CFAP44: variants seen among roughly 807,000 people sequenced by gnomAD.
CFAP44 encodes the protein cilia and flagella associated protein 44, also known as cilia- and flagella-associated protein 44.
Under a neutral mutation model 216.2 loss-of-function variants are expected in CFAP44, and 134 were observed. The ratio of observed to expected loss-of-function variants is 0.62; its 90% CI spans 0.54 to 0.72. The LOEUF (loss-of-function observed/expected upper bound fraction) is 0.72. Ranked by LOEUF, CFAP44 falls within the 30% of genes least tolerant of loss-of-function variation. The probability of loss-of-function intolerance (pLI) is 0.00; values close to 1 mark genes in which losing one functional copy is unlikely to be tolerated. For missense variants in CFAP44, 2,035 were observed against 2,182.1 expected, an observed-to-expected ratio of 0.93 and a Z score of 1.34; for synonymous variants, 700 against 727.6, an observed-to-expected ratio of 0.96 and a Z score of 0.61.
chr3:113,424,315 A>G (rs1188329909), intron 4 of CFAP44, among the ~76,000 whole-genome samples: 1 of 152,170 alleles, frequency 6.6e-6, no homozygotes, highest in East Asian at 1.9e-4. Context: ...GCATGCCTAT[A>G]GTCCCAGCTA....
chr3:113,404,578 T>G (rs1934226990), intron 8 of CFAP44, among the ~76,000 whole-genome samples: 1 of 152,226 alleles, frequency 6.6e-6, no homozygotes, highest in Non-Finnish European at 1.5e-5. Flanking sequence ...TATTGAGTAC[T>G]GACTCTGTAC....
At chr3:113,303,105 G>A (rs896556658) in intron 32 of CFAP44, among the ~76,000 whole-genome samples, 5 of 152,156 alleles carry the variant, frequency 3.3e-5, no homozygotes, top group African/African-American at 1.2e-4. Context: ...TGACAATATG[G>A]AGCCTGGGCA....
In CFAP44 at chr3:113,379,528, CCT is replaced by C. The variant is rs1158169474; in HGVS notation, c.2074_2075del (p.Arg692GlyfsTer49). On this transcript the variant is annotated frameshift_variant, in exon 17 of 35. Coordinates refer to ENST00000393845, the MANE Select transcript of CFAP44 (RefSeq NM_001164496.2). LOFTEE classifies it high-confidence loss of function. ...KILRLIEIEK[R>X]ERQRELKEKI... ...TCTCCTTCAACTCCCTTTGTCTCTC[CCT>C]CTTTTCAATTTCTATTAATCTCTTT... The C allele has an allele frequency of 2.5e-6, 4 of 1,589,576 alleles. 1 individual carries two copies. The highest frequency in any genetic ancestry group is 1.3e-5 in the African/African-American group (1 of 74,098).
chr3:113,427,150 C>T (rs1934982991), intron 3 of CFAP44, 37 bp downstream of exon 3: 1 of 1,591,692 alleles, frequency 6.3e-7, no homozygotes, highest in Non-Finnish European at 8.6e-7. Flanking sequence ...GTCTCTAAAA[C>T]AGTGACAATT....
intron 26 of CFAP44, among the ~76,000 whole-genome samples, chr3:113,329,638 T>C (rs1277005108): frequency 2.0e-5 from 3 of 152,182 alleles, no homozygotes; most frequent in Admixed American, 2.0e-4. Context: ...CAACAGGCCC[T>C]AGTCTGGTCC....
chr3:113,358,278 A>C (rs1013140895), intron 22 of CFAP44, among the ~76,000 whole-genome samples: 1 of 152,110 alleles, frequency 6.6e-6, no homozygotes, highest in Admixed American at 6.6e-5. Context: ...AAAATTTTCA[A>C]GATGTTAAGA....
chr3:113,405,773 T>A (rs1033118078), intron 8 of CFAP44, among the ~76,000 whole-genome samples: 2 of 152,212 alleles, frequency 1.3e-5, no homozygotes, highest in Non-Finnish European at 2.9e-5. Context: ...ATATATCTCA[T>A]ACCAGGTTTT....
At chr3:113,295,212 C>T (rs1949869326) in intron 33 of CFAP44, among the ~76,000 whole-genome samples, 1 of 152,158 alleles carries the variant, frequency 6.6e-6, no homozygotes. Context: ...AGGTAGCTGG[C>T]TTGAGTGGCC....
At chr3:113,299,315 C>T (rs1254817181) in intron 32 of CFAP44, among the ~76,000 whole-genome samples, 1 of 152,052 alleles carries the variant, frequency 6.6e-6, no homozygotes, top group Non-Finnish European at 1.5e-5. Context: ...TGAAAAGGTG[C>T]TCAACATTGC....
chr3:113,330,112 T>A (rs753817806), intron 26 of CFAP44, 56 bp downstream of exon 26: 62 of 1,447,444 alleles, frequency 4.3e-5, no homozygotes, highest in Non-Finnish European at 5.1e-5. Context: ...CCCGACCCAA[T>A]TTTTTCCCTT....
At chr3:113,383,330 G>C (rs759950414) in intron 15 of CFAP44, among the ~76,000 whole-genome samples, 3 of 152,172 alleles carry the variant, frequency 2.0e-5, no homozygotes, top group Non-Finnish European at 4.4e-5. Context: ...CATTTTTCCT[G>C]CTGCATCGAT....
chr3:113,436,212 T>C (rs1270575782), intron 1 of CFAP44, among the ~76,000 whole-genome samples: 16 of 152,040 alleles, frequency 1.1e-4, no homozygotes, highest in Admixed American at 1.0e-3. Flanking sequence ...ACTTGCTTTC[T>C]ATGTTACTCT....
intron 20 of CFAP44, 56 bp downstream of exon 20, chr3:113,363,421 T>C: frequency 6.3e-7 from 1 of 1,583,542 alleles, no homozygotes; most frequent in Non-Finnish European, 8.6e-7. Flanking sequence ...TTCTGCACTG[T>C]TGATTTGTTT....
At chr3:113,299,190 T>C (rs967825066) in intron 32 of CFAP44, among the ~76,000 whole-genome samples, 2 of 152,154 alleles carry the variant, frequency 1.3e-5, no homozygotes, top group African/African-American at 2.4e-5. Context: ...AACCAGAATA[T>C]ATAAGGAGCT....
intron 1 of CFAP44, among the ~76,000 whole-genome samples, chr3:113,441,182 T>C (rs1395653709): frequency 6.6e-6 from 1 of 152,220 alleles, no homozygotes; most frequent in African/African-American, 2.4e-5. Context: ...CTGCTCTGAC[T>C]TGGCCGGGTC....
rs142401442 is a variant in CFAP44 at position 113,386,094 on chromosome 3, T to C, written c.1891-5034A>G. Among the ~76,000 whole-genome samples the C allele has an allele frequency of 1.9e-3, 291 of 152,326 alleles. 2 individuals carry two copies. Among genetic ancestry groups the C allele is most frequent in the African/African-American group, 5.7e-3 (238 of 41,590 alleles). On this transcript the variant is annotated intron_variant, in intron 15 of 34. Coordinates refer to ENST00000393845, the MANE Select transcript of CFAP44 (RefSeq NM_001164496.2). ...TTTAGGTGCTCTGAGGTGGGATGTA[T>C]ATATATTCATAATTGTTATATCTTT...
chr3:113,319,095 C>A (rs2895413), intron 28 of CFAP44, among the ~76,000 whole-genome samples: 5 of 151,848 alleles, frequency 3.3e-5, no homozygotes. Flanking sequence ...CAATACTAAC[C>A]TTGAATGTAA....
At chr3:113,391,422 A>G (rs1264484967) in intron 15 of CFAP44, among the ~76,000 whole-genome samples, 1 of 152,190 alleles carries the variant, frequency 6.6e-6, no homozygotes, top group Non-Finnish European at 1.5e-5. Flanking sequence ...TCTCCAGGAC[A>G]TTAGACTGGG....
rs1284729820 is a variant in CFAP44, at chr3:113,366,115, C to G, written c.2639G>C (p.Gly880Ala). 1 of 1,613,832 alleles carries G rather than the reference C, an allele frequency of 6.2e-7. No individual in the cohort carries two copies. Among genetic ancestry groups the G allele is most frequent in the Non-Finnish European group, 8.5e-7 (1 of 1,179,900 alleles). ...AAAAATGTTGAAAACAAAGATATTG[C>G]CATCTGCTCCAGCAGTCACCAAGAA... ...DRFLVTAGAD[G>A]NIFVFNIFSE... Residue 880 changes from glycine (G) to alanine (A), a missense_variant, in exon 19 of 35, where the codon GGC becomes GCC. Gly to Ala is a moderately conservative substitution (Grantham distance 60). This residue lies in a region of CFAP44 where 1,883 missense variants were observed against 2,023.7 expected (regional missense o/e 0.93). Coordinates refer to ENST00000393845, the MANE Select transcript of CFAP44 (RefSeq NM_001164496.2).
Sources: gnomAD v4.1 joint callset for allele counts (sites outside exome capture counted in the v4.1 genomes callset) on GRCh38, gnomAD v4.1.1 for gene constraint, gnomAD v4.1.1 regional missense constraint, MANE v1.5 for transcripts, NCBI Gene and HGNC (gene_info 2026-07-23, HGNC 2026-07-21) for gene names.